Variants in STK32B observed in about 807,000 individuals in gnomAD.
STK32B encodes the protein serine/threonine kinase 32B, also known as serine/threonine-protein kinase 32B.
A neutral mutation model predicts 52.6 loss-of-function variants in STK32B; 43 were observed. The observed-to-expected ratio is 0.82, with a 90% confidence interval of 0.64 to 1.05. The LOEUF is 1.05. Ranked by LOEUF, STK32B falls within the 50% of genes least tolerant of loss-of-function variation. The probability of loss-of-function intolerance (pLI) is 0.00; values close to 1 mark genes in which losing one functional copy is unlikely to be tolerated. For synonymous variants in STK32B, 238 were observed against 204.3 expected (o/e 1.17, Z -1.41); for missense variants, 621 against 534.6 (o/e 1.16, Z -1.59).
At chr4:5,359,446 C>T in intron 4 of STK32B, among the ~76,000 whole-genome samples, 1 of 146,628 alleles carries the variant, frequency 6.8e-6, no homozygotes, top group Non-Finnish European at 1.5e-5. Flanking sequence ...ATGTACCAAG[C>T]ACCTACATCA....
chr4:5,294,924 C>T (rs969257361), intron 3 of STK32B, among the ~76,000 whole-genome samples: 1 of 152,072 alleles, frequency 6.6e-6, no homozygotes, highest in African/African-American at 2.4e-5. Flanking sequence ...ATAAATACCT[C>T]TCATTATTTT....
rs558445233 is a variant in STK32B, at chr4:5,182,402, A to C, written c.260+13952A>C. Among the ~76,000 whole-genome samples, 251 of 152,282 alleles carry C rather than the reference A, an allele frequency of 1.6e-3. 1 individual carries two copies. The highest frequency in any genetic ancestry group is 5.7e-3 in the African/African-American group (237 of 41,530). ...AAGATTTTCAATTTACTTTGCCCAG[A>C]TCCATCAGCAGAATCATGATCACTG... On this transcript the variant is annotated intron_variant, in intron 3 of 11. Coordinates refer to ENST00000282908, the MANE Select transcript of STK32B (RefSeq NM_018401.3).
chr4:5,398,335 A>G lies in STK32B; in HGVS notation c.472+91A>G, dbSNP rs1737058269. ...CGGGGGTGGGGGTTGGGTCTTGCTG[A>G]GTTGGACATTAGCATTGGCTAGAAA... On this transcript the variant is annotated intron_variant, in intron 5 of 11. Coordinates refer to ENST00000282908, the MANE Select transcript of STK32B (RefSeq NM_018401.3). The surrounding 1 kb of genome is among the most constrained non-coding windows in gnomAD (Gnocchi z 4.9). 7.3e-7 allele frequency: 1 copy of G among 1,375,284 alleles called. No individual in the cohort carries two copies. Among genetic ancestry groups the G allele is most frequent in the South Asian group, 1.2e-5 (1 of 81,210 alleles). The allele number at this position is 1,375,284 out of a possible 1,614,324, so 85.2% of individuals were successfully genotyped here. A position where few individuals can be genotyped will look rare whatever the true frequency, so the allele number is the denominator to read the frequency against.
At position 5,395,634 on chromosome 4, in the gene STK32B, G is replaced by C. The variant is rs750814539; in HGVS notation, c.435-2573G>C. ...CAGTTGGGTCTGTCTTGTTCACGAC[G>C]TGTCCTTCATGACCGCAAAGGGGAC... On this transcript the variant is annotated intron_variant, in intron 4 of 11. Transcript: ENST00000282908. This position sits in a 1 kb window ranked among gnomAD's most constrained non-coding sequence, Gnocchi z 4.4. Among the ~76,000 whole-genome samples the C allele has an allele frequency of 2.6e-5, 4 of 152,190 alleles. No individual in the cohort carries two copies. The highest frequency in any genetic ancestry group is 2.9e-5 in the Non-Finnish European group (2 of 68,044).
Position 5,399,412 on chromosome 4 carries a change from A to T in STK32B, c.472+1168A>T, listed in dbSNP as rs1169096066. Among the ~76,000 whole-genome samples the T allele has an allele frequency of 6.6e-6, 1 of 152,118 alleles. No homozygotes were observed. The highest frequency in any genetic ancestry group is 2.4e-5 in the African/African-American group (1 of 41,416). On this transcript the variant is annotated intron_variant, in intron 5 of 11. Coordinates refer to ENST00000282908, the MANE Select transcript of STK32B (RefSeq NM_018401.3). The surrounding 1 kb of genome is among the most constrained non-coding windows in gnomAD (Gnocchi z 5.4). ...GGGGCATCCTAACCTCATAGTGTGC[A>T]TCCCTATGTACAGGAGTGGTGGATG... is the stretch of plus-strand genomic sequence containing the variant.
At chr4:5,031,439 A>G in the STK32B span, among the ~76,000 whole-genome samples, 1 of 152,052 alleles carries the variant, frequency 6.6e-6, no homozygotes, top group Non-Finnish European at 1.5e-5. Context: ...TCTGGTATAA[A>G]AAAACAAAAC....
intron 3 of STK32B, among the ~76,000 whole-genome samples, chr4:5,319,479 G>A (rs957983760): frequency 7.9e-5 from 12 of 152,258 alleles, no homozygotes; most frequent in African/African-American, 2.9e-4. Context: ...TTCCCCTTGT[G>A]CAAGAATAAA....
At chr4:5,328,035 C>G (rs1371667278) in intron 3 of STK32B, among the ~76,000 whole-genome samples, 1 of 152,210 alleles carries the variant, frequency 6.6e-6, no homozygotes, top group African/African-American at 2.4e-5. Flanking sequence ...TTTCTTTAAC[C>G]TCATGAACCA....
Position 5,168,456 on chromosome 4 carries a change from T to A in STK32B, c.260+6T>A. ...CCCTTCCTGGTCAATCTGTGGTGAG[T>A]GTGGCTCCATCCAGGGCTCCTGTGG... is the stretch of plus-strand genomic sequence containing the variant. On this transcript the variant is annotated splice_donor_region_variant and intron_variant, in intron 3 of 11. Transcript: ENST00000282908. 1.9e-6 allele frequency: 3 copies of A among 1,610,678 alleles called. No individual in the cohort carries two copies. The highest frequency in any genetic ancestry group is 2.5e-6 in the Non-Finnish European group (3 of 1,178,290).
intron 4 of STK32B, among the ~76,000 whole-genome samples, chr4:5,355,597 G>A (rs549461404): frequency 6.6e-6 from 1 of 152,138 alleles, no homozygotes; most frequent in South Asian, 2.1e-4. Flanking sequence ...CCTTGTTATG[G>A]GGGCTGTCCT....
intron 3 of STK32B, among the ~76,000 whole-genome samples, chr4:5,168,905 G>A (rs373120513): frequency 1.6e-4 from 24 of 152,122 alleles, no homozygotes; most frequent in Admixed American, 1.1e-3. Flanking sequence ...CCCAAAACCT[G>A]CCATCACCCA....
intron 6 of STK32B, among the ~76,000 whole-genome samples, chr4:5,428,803 A>G (rs1713317819): frequency 6.6e-6 from 1 of 152,298 alleles, no homozygotes; most frequent in Non-Finnish European, 1.5e-5. Flanking sequence ...TTCATTTAGG[A>G]TCATTACGTC....
At chr4:5,494,472 T>C (rs1720035257) in intron 11 of STK32B, among the ~76,000 whole-genome samples, 1 of 152,092 alleles carries the variant, frequency 6.6e-6, no homozygotes. Flanking sequence ...TGTGTGTCTC[T>C]GCACATGAGA....
chr4:5,335,675 T>A (rs1469313452), intron 4 of STK32B, among the ~76,000 whole-genome samples: 1 of 152,192 alleles, frequency 6.6e-6, no homozygotes, highest in African/African-American at 2.4e-5. Flanking sequence ...TCTGGTATGT[T>A]GTGTCTTTGT....
At chr4:5,480,116 TATTA>T (rs1380128109) in intron 11 of STK32B, among the ~76,000 whole-genome samples, 8 of 152,214 alleles carry the variant, frequency 5.3e-5, no homozygotes, top group Admixed American at 5.2e-4. Flanking sequence ...TTCCTAGTAA[TATTA>T]ATTATTTACA....
intron 4 of STK32B, among the ~76,000 whole-genome samples, chr4:5,360,304 G>A (rs942374262): frequency 9.9e-5 from 15 of 152,066 alleles, no homozygotes; most frequent in African/African-American, 2.9e-4. Context: ...CTCCATGGGG[G>A]CAGAACCATG....
At chr4:5,164,319 T>G (rs1454265791) in intron 2 of STK32B, among the ~76,000 whole-genome samples, 1 of 152,110 alleles carries the variant, frequency 6.6e-6, no homozygotes, top group African/African-American at 2.4e-5. Context: ...CACTCCAACC[T>G]CTGCATCCGT....
intron 6 of STK32B, among the ~76,000 whole-genome samples, chr4:5,432,064 C>G (rs937137210): frequency 2.0e-5 from 3 of 152,190 alleles, no homozygotes; most frequent in African/African-American, 7.2e-5. Context: ...TAGCTTACAT[C>G]TGTTGAGAAC....
At chr4:5,461,233 G>T (rs997160501) in intron 9 of STK32B, among the ~76,000 whole-genome samples, 1 of 152,186 alleles carries the variant, frequency 6.6e-6, no homozygotes, top group African/African-American at 2.4e-5. Context: ...GGTAGCAGTG[G>T]TGTGAGCAGG....
Sources: allele counts gnomAD v4.1 joint callset (sites outside exome capture counted in the v4.1 genomes callset), GRCh38; gene constraint gnomAD v4.1.1; non-coding constraint Gnocchi (gnomAD v3.1); transcripts MANE v1.5; gene names NCBI Gene and HGNC (gene_info 2026-07-23, HGNC 2026-07-21).